Variants in SSMEM1 observed in about 807,000 individuals in gnomAD.
SSMEM1 encodes the protein serine-rich single-pass membrane protein 1.
Under a neutral mutation model 9.9 loss-of-function variants are expected in SSMEM1, and 12 were observed. That is an observed-to-expected ratio of 1.21 (90% CI 0.78 to 1.96). The LOEUF (loss-of-function observed/expected upper bound fraction) is 1.96, where lower values mean the gene tolerates loss of function less well. Among genes scored for constraint, SSMEM1 ranks in the 30% most tolerant of loss-of-function variants. SSMEM1 has a pLI of 0.00. For synonymous variants in SSMEM1, 96 were observed against 98.9 expected (o/e 0.97, Z 0.17); for missense variants, 259 against 292.2 (o/e 0.89, Z 0.83).
At chr7:130,213,427 T>G in intron 1 of SSMEM1, 53 bp from the exon 2 acceptor site, 7 of 1,477,408 alleles carry the variant, frequency 4.7e-6, no homozygotes, top group Non-Finnish European at 6.6e-6. Context: ...AACAAGTACA[T>G]ATTATCAAAA....
At chr7:130,205,470 T>A, upstream of SSMEM1, 19 of 1,595,348 alleles carry the variant, frequency 1.2e-5, no homozygotes, top group Non-Finnish European at 1.5e-5. Flanking sequence ...GGCTCTAAAG[T>A]TACCGGAAGA....
intron 1 of SSMEM1, among the ~76,000 whole-genome samples, chr7:130,210,113 T>A (rs1798564994): frequency 6.6e-6 from 1 of 152,242 alleles, no homozygotes; most frequent in Non-Finnish European, 1.5e-5. Flanking sequence ...AGATTTCCTG[T>A]CAAATTATTT....
chr7:130,212,302 G>A (rs1409360040), intron 1 of SSMEM1, among the ~76,000 whole-genome samples: 2 of 152,134 alleles, frequency 1.3e-5, no homozygotes, highest in South Asian at 4.1e-4. Flanking sequence ...ATTACATTTT[G>A]GAGGAAACTT....
At chr7:130,214,988 A>G (rs1394392454) in intron 2 of SSMEM1, among the ~76,000 whole-genome samples, 1 of 152,174 alleles carries the variant, frequency 6.6e-6, no homozygotes, top group Non-Finnish European at 1.5e-5. Flanking sequence ...TTGGGAGGAG[A>G]TGTGCAGTAG....
Position 130,207,994 on chromosome 7 carries a change from A to G in SSMEM1, c.84A>G (p.Glu28=), listed in dbSNP as rs750553921. The G allele has an allele frequency of 3.1e-6, 5 of 1,613,938 alleles. No homozygotes were observed. In the African/African-American group the frequency reaches 6.7e-5, roughly 22 times the overall value. The part of the protein sequence containing the change: ...VNCAIPNQDY[E]CWKDDSCGTI... Reference sequence around the variant, plus strand: ...GTGCCATTCCAAATCAGGATTATGAATGCTGGAAGGATGACTCTTGTGGAA... The same window carrying G: ...GTGCCATTCCAAATCAGGATTATGAGTGCTGGAAGGATGACTCTTGTGGAA... The change falls in exon 1 of 3, where the codon GAA becomes GAG. Residue 28 remains glutamate (E), a synonymous_variant. Coordinates refer to ENST00000297819, the MANE Select transcript of SSMEM1 (RefSeq NM_145268.4).
intron 2 of SSMEM1, among the ~76,000 whole-genome samples, chr7:130,214,876 A>G (rs1043153534): frequency 1.3e-5 from 2 of 152,260 alleles, no homozygotes; most frequent in Admixed American, 1.3e-4. Context: ...CAACAAAGCC[A>G]TACATCAAGC....
At chr7:130,211,420 A>G (rs1351882073) in intron 1 of SSMEM1, among the ~76,000 whole-genome samples, 1 of 152,228 alleles carries the variant, frequency 6.6e-6, no homozygotes, top group East Asian at 1.9e-4. Context: ...CAGCCTCCCA[A>G]AGTGCTGGGA....
At chr7:130,208,268 A>G (rs1360659297) in intron 1 of SSMEM1, among the ~76,000 whole-genome samples, 175 bp downstream of exon 1, 1 of 152,248 alleles carries the variant, frequency 6.6e-6, no homozygotes, top group Non-Finnish European at 1.5e-5. Context: ...AGAGGAAAAT[A>G]TAAAGCTACA....
chr7:130,206,574 T>G (rs1798477243), upstream of SSMEM1, among the ~76,000 whole-genome samples: 1 of 152,244 alleles, frequency 6.6e-6, no homozygotes, highest in Non-Finnish European at 1.5e-5. Context: ...CTTGAAGAGC[T>G]GTTAAGTTTT....
At chr7:130,214,057 C>G (rs903224348) in intron 2 of SSMEM1, among the ~76,000 whole-genome samples, 2 of 152,186 alleles carry the variant, frequency 1.3e-5, no homozygotes, top group Non-Finnish European at 2.9e-5. Context: ...TTTCAATAAC[C>G]TATAAGCAGT....
intron 1 of SSMEM1, among the ~76,000 whole-genome samples, chr7:130,209,841 G>C (rs1486093992): frequency 6.6e-6 from 1 of 152,220 alleles, no homozygotes; most frequent in South Asian, 2.1e-4. Flanking sequence ...GCCTCCCAAA[G>C]TGCTGGCATT....
At chr7:130,215,098 T>G (rs12533984) in intron 2 of SSMEM1, among the ~76,000 whole-genome samples, 22,700 of 151,820 alleles carry the variant, frequency 0.15, 2,248 homozygotes, top group Middle Eastern at 0.23. Flanking sequence ...AGGTCAGGAG[T>G]TCGAGACCAG....
intron 2 of SSMEM1, among the ~76,000 whole-genome samples, chr7:130,214,966 T>C (rs564002298): frequency 6.6e-6 from 1 of 152,312 alleles, no homozygotes; most frequent in South Asian, 2.1e-4. Flanking sequence ...CCTCATGTCA[T>C]TGAACATGGA....
At position 130,216,636 on chromosome 7, in the gene SSMEM1, C is replaced by CAA; in HGVS notation, c.*176_*177dup. 33 of 608,220 alleles carry CAA rather than the reference C, an allele frequency of 5.4e-5. No individual in the cohort carries two copies. The highest frequency in any genetic ancestry group is 8.4e-5 in the South Asian group (3 of 35,602). The allele number at this position is 608,220 out of a possible 1,614,324, so 37.7% of individuals were successfully genotyped here. On this transcript the variant is annotated 3_prime_UTR_variant, in exon 3 of 3. Transcript: ENST00000297819. ...GTAAAATCTCACACAATTCTTCGTT[C>CAA]AAAAAAAAAAAGGCCATCACGTGTT...
chr7:130,213,682 G>C, intron 2 of SSMEM1, 148 bp downstream of exon 2: 1 of 81,012 alleles, frequency 1.2e-5, no homozygotes, highest in East Asian at 3.6e-4. Context: ...AACATAGTGA[G>C]ACCCAGTACC....
intron 1 of SSMEM1, 56 bp downstream of exon 1, chr7:130,208,149 T>C (rs1798524378): frequency 6.8e-7 from 1 of 1,469,672 alleles, no homozygotes; most frequent in Non-Finnish European, 9.1e-7. Flanking sequence ...TAGGAAAATT[T>C]CCATAAAATA....
chr7:130,215,287 G>A (rs1398600688), intron 2 of SSMEM1, among the ~76,000 whole-genome samples: 1 of 152,026 alleles, frequency 6.6e-6, no homozygotes, highest in East Asian at 1.9e-4. Context: ...CTGGGCAACA[G>A]AGCGAGACTC....
chr7:130,206,594 A>T (rs1186618872), upstream of SSMEM1, among the ~76,000 whole-genome samples: 1 of 152,234 alleles, frequency 6.6e-6, no homozygotes, highest in Admixed American at 6.5e-5. Flanking sequence ...TATCATTTTT[A>T]GATTGCTTTA....
chr7:130,207,515 C>T (rs563721732), upstream of SSMEM1, among the ~76,000 whole-genome samples: 2 of 152,216 alleles, frequency 1.3e-5, no homozygotes, highest in African/African-American at 4.8e-5. Context: ...TTTTAGGGAA[C>T]ACAGTTTGAT....
Sources: allele counts gnomAD v4.1 joint callset (sites outside exome capture counted in the v4.1 genomes callset), GRCh38; gene constraint gnomAD v4.1.1; transcripts MANE v1.5; gene names NCBI Gene and HGNC (gene_info 2026-07-23, HGNC 2026-07-21).